Variants in ZNF91 observed in about 807,000 individuals in gnomAD.
ZNF91 encodes zinc finger protein 91, also known as zinc finger protein 91 (HPF7, HTF10).
A neutral mutation model predicts 12.6 loss-of-function variants in ZNF91; 7 were observed. That is an observed-to-expected ratio of 0.55 (90% CI 0.31 to 1.04). The LOEUF (loss-of-function observed/expected upper bound fraction) is 1.04, where lower values mean the gene tolerates loss of function less well. Ranked by LOEUF, ZNF91 falls within the 50% of genes least tolerant of loss-of-function variation. The pLI is 0.05. For synonymous variants in ZNF91, 453 were observed against 462.6 expected (o/e 0.98, Z 0.27); for missense variants, 1,217 against 1,385.4 (o/e 0.88, Z 1.93).
rs755541791 is a variant in ZNF91 at position 23,359,916 on chromosome 19, T to C, written c.3063A>G (p.Pro1021=). The C allele has an allele frequency of 4.3e-5, 68 of 1,573,920 alleles. No individual in the cohort carries two copies. Among genetic ancestry groups the C allele is most frequent in the Non-Finnish European group, 5.6e-5 (64 of 1,153,046 alleles). The part of the protein sequence containing the change: ...RHTRMHTGEK[P]YKCEECGKAF... ...CTTTGCCACATTCTTCACATTTGTATGGTTTCTCTCCAGTGTGCATCCTCG... is the reference window on the plus strand; with the variant it reads ...CTTTGCCACATTCTTCACATTTGTACGGTTTCTCTCCAGTGTGCATCCTCG... Residue 1021 remains proline (P), a synonymous_variant, in exon 4 of 4, where the codon CCA becomes CCG. Coordinates refer to ENST00000300619, the MANE Select transcript of ZNF91 (RefSeq NM_003430.4).
At chr19:23,373,407 C>T (rs1009174686) in intron 3 of ZNF91, among the ~76,000 whole-genome samples, 1 of 136,794 alleles carries the variant, frequency 7.3e-6, no homozygotes, top group Admixed American at 7.8e-5. Flanking sequence ...ACTTTAAAAC[C>T]TGTTTAAACT....
chr19:23,393,226 A>T (rs1970125635), intron 1 of ZNF91, among the ~76,000 whole-genome samples: 1 of 152,152 alleles, frequency 6.6e-6, no homozygotes, highest in South Asian at 2.1e-4. Flanking sequence ...GTCTCCAAGA[A>T]ATGAAAGCTG....
chr19:23,331,618 T>C (rs1967929701), intron 1 of ZNF91, among the ~76,000 whole-genome samples: 1 of 152,218 alleles, frequency 6.6e-6, no homozygotes, highest in South Asian at 2.1e-4. Flanking sequence ...CTCATGGATT[T>C]GGCTTTTTTT....
chr19:23,331,555 C>A (rs1967928745), intron 1 of ZNF91, among the ~76,000 whole-genome samples: 1 of 152,146 alleles, frequency 6.6e-6, no homozygotes, highest in Non-Finnish European at 1.5e-5. Flanking sequence ...TATGTTTGGT[C>A]TTCTTGTGAC....
chr19:23,385,383 T>G, intron 1 of ZNF91: 1 of 333,274 alleles, frequency 3.0e-6, no homozygotes, highest in Non-Finnish European at 5.4e-6. Context: ...GAAGCTGTAT[T>G]TGCAGTTTTG....
chr19:23,390,953 T>C (rs1379477204), intron 1 of ZNF91, among the ~76,000 whole-genome samples: 1 of 152,234 alleles, frequency 6.6e-6, no homozygotes, highest in African/African-American at 2.4e-5. Context: ...TTGTGAATAG[T>C]GCTGCAGTGA....
intron 1 of ZNF91, among the ~76,000 whole-genome samples, chr19:23,323,666 CTT>C (rs981531553): frequency 3.8e-5 from 5 of 130,466 alleles, no homozygotes; most frequent in Admixed American, 1.5e-4. Flanking sequence ...CTCCTTTCCT[CTT>C]CTCTCCTCCT....
At chr19:23,374,190 C>G (rs912296576) in intron 2 of ZNF91, among the ~76,000 whole-genome samples, 39 of 152,028 alleles carry the variant, frequency 2.6e-4, no homozygotes, top group Non-Finnish European at 4.3e-4. Flanking sequence ...TGAGGAAATT[C>G]TTTTCTAAAC....
chr19:23,356,503 T>C (rs1217781413), downstream of ZNF91, among the ~76,000 whole-genome samples: 1 of 152,164 alleles, frequency 6.6e-6, no homozygotes, highest in Admixed American at 6.5e-5. Context: ...CCAAATATCG[T>C]ATGTTCTCAC....
intron 1 of ZNF91, among the ~76,000 whole-genome samples, chr19:23,329,830 T>TC (rs779019153): frequency 6.6e-6 from 1 of 152,174 alleles, no homozygotes; most frequent in African/African-American, 2.4e-5. Context: ...AGGCAGGCTG[T>TC]CCTGTGCTTT....
At chr19:23,340,690 T>C (rs1261166423) in intron 3 of ZNF91, among the ~76,000 whole-genome samples, 1 of 151,678 alleles carries the variant, frequency 6.6e-6, no homozygotes, top group African/African-American at 2.4e-5. Flanking sequence ...ATCACCCTGA[T>C]ACCAAAACTA....
Position 23,379,263 on chromosome 19 carries a change from C to T in ZNF91, c.31-4499G>A, listed in dbSNP as rs529639964. On this transcript the variant is annotated intron_variant, in intron 1 of 3. Coordinates refer to ENST00000300619, the MANE Select transcript of ZNF91 (RefSeq NM_003430.4). ...TTAGGTGACAGCACACATTTTACAG[C>T]GTAACTGTGAGTTGACTGGAAGCCT... Among the ~76,000 whole-genome samples, 94 of 152,248 alleles carry T rather than the reference C, an allele frequency of 6.2e-4. No individual in the cohort carries two copies. The South Asian group carries it at 0.012, about 19-fold the overall frequency.
chr19:23,314,589 C>T (rs1293051639), upstream of ZNF91, among the ~76,000 whole-genome samples: 3 of 152,182 alleles, frequency 2.0e-5, no homozygotes, highest in Non-Finnish European at 4.4e-5. Context: ...CATGCCTGGG[C>T]CCTGCTCACT....
intron 1 of ZNF91, among the ~76,000 whole-genome samples, chr19:23,329,990 TC>T (rs1437950446): frequency 6.6e-6 from 1 of 152,236 alleles, no homozygotes; most frequent in East Asian, 1.9e-4. Context: ...GCCATCCTCT[TC>T]CGTGTGAATT....
rs1319523836 is a variant in ZNF91 at position 23,362,625 on chromosome 19, C to T, written c.354G>A (p.Glu118=). The T allele has an allele frequency of 6.3e-7, 1 of 1,586,714 alleles. No individual in the cohort carries two copies. ...TACAACCTTTTCTTAACTGTAAATT[C>T]TCATGTCCACATTTTTCATATTTTC... ...LLRKYEKCGH[E]NLQLRKGCKS... is the part of the protein sequence containing the mutation. The change falls in exon 4 of 4, where the codon GAG becomes GAA. Residue 118 remains glutamate (E), a synonymous_variant. Coordinates refer to ENST00000300619, the MANE Select transcript of ZNF91 (RefSeq NM_003430.4).
intron 3 of ZNF91, among the ~76,000 whole-genome samples, chr19:23,364,756 ATCAC>A (rs780023679): frequency 3.3e-5 from 5 of 152,174 alleles, no homozygotes; most frequent in Admixed American, 2.0e-4. Context: ...GGATTAGAAA[ATCAC>A]TCACAACAAA....
At chr19:23,362,814 C>T (rs916887531) in intron 3 of ZNF91, 89 bp from the exon 4 acceptor site, 16 of 1,298,708 alleles carry the variant, frequency 1.2e-5, no homozygotes, top group Admixed American at 3.6e-5. Context: ...CAAAATTATA[C>T]AAACTACATA....
At chr19:23,348,522 T>C (rs1348238799) in intron 3 of ZNF91, among the ~76,000 whole-genome samples, 1 of 152,204 alleles carries the variant, frequency 6.6e-6, no homozygotes, top group African/African-American at 2.4e-5. Flanking sequence ...CTTAATCCCA[T>C]CATCTTTGTA....
At chr19:23,308,644 T>C (rs1461439181) in intron 2 of ZNF91, 3 of 152,246 alleles carry the variant, frequency 2.0e-5, no homozygotes, top group African/African-American at 7.2e-5. Context: ...CCAGCATCTA[T>C]GTGCTTTGAC....
Sources: gnomAD v4.1 joint callset for allele counts (sites outside exome capture counted in the v4.1 genomes callset) on GRCh38, gnomAD v4.1.1 for gene constraint, MANE v1.5 for transcripts, NCBI Gene and HGNC (gene_info 2026-07-23, HGNC 2026-07-21) for gene names.